RBMS3: variants seen among roughly 807,000 people sequenced by gnomAD.
The protein encoded by RBMS3 is RNA binding motif single stranded interacting protein 3.
RBMS3 carries 27 observed loss-of-function variants against 66.8 expected under a neutral mutation model. The ratio of observed to expected loss-of-function variants is 0.40; its 90% CI spans 0.30 to 0.56. RBMS3 has a LOEUF of 0.56. Ranked by LOEUF, RBMS3 falls within the 20% of genes least tolerant of loss-of-function variation. The pLI is 0.40. For synonymous variants in RBMS3, 188 were observed against 183.0 expected, an observed-to-expected ratio of 1.03 and a Z score of -0.22; for missense variants, 513 against 549.5, an observed-to-expected ratio of 0.93 and a Z score of 0.66.
intron 1 of RBMS3, among the ~76,000 whole-genome samples, chr3:29,365,350 G>T (rs1317240850): frequency 1.3e-5 from 2 of 151,732 alleles, no homozygotes; most frequent in Non-Finnish European, 2.9e-5. Flanking sequence ...AAATTTTTTA[G>T]ATATTGCCAT....
At chr3:29,428,584 AAAAAG>A (rs912133397) in intron 1 of RBMS3, among the ~76,000 whole-genome samples, 8 of 152,096 alleles carry the variant, frequency 5.3e-5, no homozygotes, top group African/African-American at 1.9e-4. Flanking sequence ...AAAAAAAAAA[AAAAAG>A]AAGAAAACAC....
At chr3:29,623,316 G>C (rs1031383116) in intron 4 of RBMS3, among the ~76,000 whole-genome samples, 7 of 152,032 alleles carry the variant, frequency 4.6e-5, no homozygotes, top group Non-Finnish European at 1.0e-4. Flanking sequence ...AAGTCGGCCG[G>C]GCGCGGTGGC....
intron 2 of RBMS3, among the ~76,000 whole-genome samples, chr3:29,472,690 G>A (rs1311015047): frequency 4.0e-5 from 6 of 151,872 alleles, no homozygotes; most frequent in African/African-American, 7.3e-5. Flanking sequence ...GGAGTTGTTC[G>A]TTCCTCCCAG....
At chr3:29,852,612 T>A (rs2149521047) in intron 6 of RBMS3, among the ~76,000 whole-genome samples, 1 of 152,296 alleles carries the variant, frequency 6.6e-6, no homozygotes, top group East Asian at 1.9e-4. Flanking sequence ...CACAATGAGA[T>A]ATTATCTCAC....
At chr3:29,544,189 G>T (rs1183056036) in intron 3 of RBMS3, among the ~76,000 whole-genome samples, 1 of 152,074 alleles carries the variant, frequency 6.6e-6, no homozygotes. Flanking sequence ...AAAGGTTAAA[G>T]ATTATCTACT....
chr3:29,955,278 C>T (rs765405658), intron 12 of RBMS3, among the ~76,000 whole-genome samples: 6 of 151,948 alleles, frequency 3.9e-5, no homozygotes, highest in African/African-American at 9.7e-5. Flanking sequence ...CATTCTTCTT[C>T]GCTTCTTCCA....
intron 12 of RBMS3, among the ~76,000 whole-genome samples, chr3:29,955,828 A>G (rs1696000642): frequency 6.6e-6 from 1 of 152,052 alleles, no homozygotes. Context: ...AATCATTGCT[A>G]ACTAACTCTG....
At chr3:29,889,650 CATG>C (rs2149589066) in intron 8 of RBMS3, among the ~76,000 whole-genome samples, 1 of 151,780 alleles carries the variant, frequency 6.6e-6, no homozygotes, top group African/African-American at 2.4e-5. Context: ...TTGGCCTTTC[CATG>C]ATAAGTTTGA....
chr3:29,547,340 C>A (rs898140785), intron 3 of RBMS3, among the ~76,000 whole-genome samples: 2 of 152,096 alleles, frequency 1.3e-5, no homozygotes, highest in African/African-American at 4.8e-5. Context: ...AATTATCATT[C>A]ATTATCACTC....
intron 12 of RBMS3, among the ~76,000 whole-genome samples, chr3:29,970,969 G>A (rs201555787): frequency 4.6e-5 from 7 of 151,960 alleles, no homozygotes; most frequent in East Asian, 3.9e-4. Context: ...TCTCTCCTCC[G>A]TCTTCCCGCC....
rs116252168 is a variant in RBMS3, at chr3:29,429,223, C to T, written c.76-5520C>T. 2.1e-3 allele frequency among the ~76,000 whole-genome samples: 325 copies of T among 152,260 alleles called. 2 individuals are homozygous for T. Among genetic ancestry groups the T allele is most frequent in the African/African-American group, 7.6e-3 (315 of 41,544 alleles). On this transcript the variant is annotated intron_variant, in intron 1 of 14. Coordinates refer to ENST00000383767, the MANE Select transcript of RBMS3 (RefSeq NM_001003793.3). ...AAAATGAGAAGAATATTATTTGCCT[C>T]ATTGTGCTGTTGTGAAGATAGCATA...
At chr3:29,711,814 G>T (rs1009658395) in intron 4 of RBMS3, among the ~76,000 whole-genome samples, 1 of 152,132 alleles carries the variant, frequency 6.6e-6, no homozygotes, top group South Asian at 2.1e-4. Context: ...CAAACATCTG[G>T]GTCAATGCTA....
intron 4 of RBMS3, among the ~76,000 whole-genome samples, chr3:29,697,477 C>A (rs1246650515): frequency 6.6e-6 from 1 of 152,166 alleles, no homozygotes; most frequent in African/African-American, 2.4e-5. Context: ...ACCTTGTTTA[C>A]CAATGTTACC....
intron 14 of RBMS3, among the ~76,000 whole-genome samples, chr3:29,994,430 A>G (rs183304056): frequency 0.086 from 13,045 of 152,244 alleles, 946 homozygotes; most frequent in South Asian, 0.18. Context: ...AGCCCACCAC[A>G]GCTCAAGGAG....
intron 8 of RBMS3, among the ~76,000 whole-genome samples, chr3:29,884,469 T>TCTCTCTCTCTACC (rs1553692501): frequency 2.6e-4 from 17 of 66,352 alleles, no homozygotes; most frequent in African/African-American, 8.9e-4. Flanking sequence ...TCTCTCTCTC[T>TCTCTCTCTCTACC]CCCCCCCCGC....
chr3:29,873,418 T>C (rs2059538239), intron 7 of RBMS3, among the ~76,000 whole-genome samples: 1 of 152,172 alleles, frequency 6.6e-6, no homozygotes, highest in South Asian at 2.1e-4. Context: ...GGAATGCTAG[T>C]GATTTTTGTA....
rs534807111 is a variant in RBMS3 at position 29,608,621 on chromosome 3, A to T, written c.399+21416A>T. ...ATCTAAGTTTTATACATAGTTTAAC[A>T]CATGCTGCATGCATGTATTAAACTG... On this transcript the variant is annotated intron_variant, in intron 4 of 14. Transcript: ENST00000383767. 6.2e-4 allele frequency among the ~76,000 whole-genome samples: 94 copies of T among 152,194 alleles called. 1 individual carries two copies. The highest frequency in any genetic ancestry group is 3.3e-4 in the Admixed American group (5 of 15,250).
chr3:29,338,849 C>T (rs1402145659), intron 1 of RBMS3, among the ~76,000 whole-genome samples: 2 of 152,122 alleles, frequency 1.3e-5, no homozygotes, highest in Non-Finnish European at 2.9e-5. Flanking sequence ...CTCCAGACTT[C>T]TGATACGGTT....
intron 2 of RBMS3, among the ~76,000 whole-genome samples, chr3:29,458,864 C>A (rs2042280404): frequency 1.3e-5 from 2 of 152,170 alleles, no homozygotes; most frequent in Non-Finnish European, 2.9e-5. Flanking sequence ...GTCAGCTAAG[C>A]ATATTATCTT....
Sources: gnomAD v4.1 joint callset for allele counts (sites outside exome capture counted in the v4.1 genomes callset) on GRCh38, gnomAD v4.1.1 for gene constraint, MANE v1.5 for transcripts, NCBI Gene and HGNC (gene_info 2026-07-23, HGNC 2026-07-21) for gene names.